The following STRBP variants were observed in gnomAD, a reference collection of about 807,000 sequenced individuals.
STRBP encodes the protein spermatid perinuclear RNA binding protein.
STRBP carries 13 observed loss-of-function variants against 80.1 expected under a neutral mutation model. The observed-to-expected ratio is 0.16, with a 90% CI of 0.11 to 0.26. The LOEUF (loss-of-function observed/expected upper bound fraction) is 0.26, where lower values mean the gene tolerates loss of function less well. Among genes scored for constraint, STRBP ranks in the 10% least tolerant of loss-of-function variants. The probability of loss-of-function intolerance (pLI) is 1.00; values close to 1 mark genes in which losing one functional copy is unlikely to be tolerated. For synonymous variants in STRBP, 284 were observed against 291.2 expected (o/e 0.98, Z 0.25); for missense variants, 485 against 815.2 (o/e 0.59, Z 4.93).
At chr9:123,165,232 G>T (rs2037703312) in intron 6 of STRBP, among the ~76,000 whole-genome samples, 1 of 143,402 alleles carries the variant, frequency 7.0e-6, no homozygotes, top group Non-Finnish European at 1.5e-5. Context: ...AGTGAGCCGA[G>T]ATCGCACCAC....
intron 9 of STRBP, among the ~76,000 whole-genome samples, 159 bp downstream of exon 9, chr9:123,158,937 T>C (rs76718726): frequency 0.01 from 1,538 of 152,308 alleles, 28 homozygotes; most frequent in African/African-American, 0.035. Context: ...AAGAGTTTTA[T>C]AGCACTTTTC....
intron 4 of STRBP, 35 bp from the exon 5 acceptor site, chr9:123,173,877 C>T (rs745845429): frequency 6.4e-6 from 10 of 1,564,970 alleles, no homozygotes; most frequent in South Asian, 6.1e-5. Flanking sequence ...ACTTTCACAA[C>T]CTATTTCCCA....
chr9:123,165,542 T>C (rs1263336870), intron 6 of STRBP, among the ~76,000 whole-genome samples: 2 of 152,134 alleles, frequency 1.3e-5, no homozygotes, highest in Non-Finnish European at 2.9e-5. Context: ...TGTCTCTTAG[T>C]CTAAGCCACA....
At chr9:123,194,695 T>C (rs2039035247) in intron 2 of STRBP, among the ~76,000 whole-genome samples, 1 of 152,106 alleles carries the variant, frequency 6.6e-6, no homozygotes, top group African/African-American at 2.4e-5. Flanking sequence ...CAAGGTCCCC[T>C]AGGATTTCCA....
intron 2 of STRBP, among the ~76,000 whole-genome samples, chr9:123,199,157 G>A (rs1464714383): frequency 3.9e-5 from 6 of 152,080 alleles, no homozygotes; most frequent in Non-Finnish European, 7.4e-5. Context: ...GGATGGTCTC[G>A]ATCTTTTGAC....
At chr9:123,229,506 A>G (rs2040339860) in intron 2 of STRBP, among the ~76,000 whole-genome samples, 1 of 152,242 alleles carries the variant, frequency 6.6e-6, no homozygotes, top group Non-Finnish European at 1.5e-5. Flanking sequence ...GAAAAATAAC[A>G]TGTTTAAATG....
Position 123,170,469 on chromosome 9 carries a change from C to T in STRBP, c.391-423G>A, listed in dbSNP as rs574084908. Reference sequence around the variant, plus strand: ...TTGTAGAGCAGCCTGAACAGGAACTCCTACTTGGCAAAAACTTATGAATAT... The same window carrying T: ...TTGTAGAGCAGCCTGAACAGGAACTTCTACTTGGCAAAAACTTATGAATAT... On this transcript the variant is annotated intron_variant, in intron 5 of 18. Transcript: ENST00000348403. Among the ~76,000 whole-genome samples, 4 of 152,286 alleles carry T rather than the reference C, an allele frequency of 2.6e-5. No individual in the cohort carries two copies. The East Asian group carries it at 5.8e-4, about 22-fold the overall frequency.
rs772874025 is a variant in STRBP, at chr9:123,179,225, T to C, written c.6A>G (p.Arg2=). 7 of 1,604,390 alleles carry C rather than the reference T, an allele frequency of 4.4e-6. No homozygotes were observed. The Admixed American group carries it at 5.0e-5, about 11-fold the overall frequency. Residue 2 remains arginine, a splice_region_variant and synonymous_variant, in exon 4 of 19, where the codon AGA becomes AGG. Transcript: ENST00000348403. M[R]SIRSFANDDR... ...CATCATTAGCAAAAGATCGAATAGA[T>C]CTCTGTTAGAAGGAGAACGAAAACA...
At chr9:123,140,393 G>A (rs866614287) in intron 13 of STRBP, among the ~76,000 whole-genome samples, 23 of 152,266 alleles carry the variant, frequency 1.5e-4, no homozygotes, top group South Asian at 8.3e-4. Context: ...TCAGGAGTTC[G>A]AGACCAGCCT....
At position 123,169,934 on chromosome 9, in the gene STRBP, A is replaced by G; in HGVS notation, c.503T>C (p.Leu168Pro). The change falls in exon 6 of 19, where the codon CTA becomes CCA. Residue 168 changes from leucine to proline, a missense_variant. By Grantham distance (98) the Leu-to-Pro change is moderately conservative. Transcript: ENST00000348403. ...CTTCTTCTCCAATTCGTCCCTAATT[A>G]GAGGTGAGGTAAGTATCACCTTCAA... The part of the protein sequence containing the change: ...LTLKVILTSP[L>P]IRDELEKKDG... 14 of 1,594,322 alleles carry G rather than the reference A, an allele frequency of 8.8e-6. No homozygotes were observed. The highest frequency in any genetic ancestry group is 1.2e-5 in the Non-Finnish European group (14 of 1,171,856).
At chr9:123,181,485 C>T (rs1398662490) in intron 3 of STRBP, among the ~76,000 whole-genome samples, 1 of 152,120 alleles carries the variant, frequency 6.6e-6, no homozygotes. Flanking sequence ...CTGGATGTGA[C>T]AGAATAAGCA....
chr9:123,185,664 T>C (rs2038667355), intron 2 of STRBP, among the ~76,000 whole-genome samples: 1 of 152,126 alleles, frequency 6.6e-6, no homozygotes, highest in South Asian at 2.1e-4. Context: ...GTCTTCAGCA[T>C]CTCCCATTCC....
intron 3 of STRBP, among the ~76,000 whole-genome samples, chr9:123,180,133 A>G (rs1274009563): frequency 1.3e-5 from 2 of 152,068 alleles, no homozygotes; most frequent in African/African-American, 2.4e-5. Flanking sequence ...GCAGGTGCCT[A>G]TAGTCCTAGC....
At chr9:123,195,619 C>T (rs1415964772) in intron 2 of STRBP, among the ~76,000 whole-genome samples, 3 of 152,034 alleles carry the variant, frequency 2.0e-5, no homozygotes, top group Non-Finnish European at 4.4e-5. Context: ...AAACTAAATA[C>T]CTAGGACTAA....
chr9:123,255,553 T>C (rs1344756286), intron 1 of STRBP, among the ~76,000 whole-genome samples: 1 of 152,204 alleles, frequency 6.6e-6, no homozygotes, highest in Non-Finnish European at 1.5e-5. Context: ...ACATAGTGTT[T>C]TTACAACCAG....
chr9:123,163,376 A>G (rs1399351587), intron 6 of STRBP, among the ~76,000 whole-genome samples: 1 of 152,222 alleles, frequency 6.6e-6, no homozygotes, highest in Non-Finnish European at 1.5e-5. Context: ...GAAAACTGAG[A>G]CACTGGCTTG....
At chr9:123,144,693 T>C (rs1355339741) in intron 13 of STRBP, among the ~76,000 whole-genome samples, 2 of 152,180 alleles carry the variant, frequency 1.3e-5, no homozygotes, top group Admixed American at 1.3e-4. Flanking sequence ...ACATTATACA[T>C]TTATAATAAG....
chr9:123,163,342 T>C (rs2037607516), intron 6 of STRBP, among the ~76,000 whole-genome samples: 2 of 152,206 alleles, frequency 1.3e-5, no homozygotes, highest in Admixed American at 1.3e-4. Flanking sequence ...CAAAGTCAGA[T>C]TGTAACCACA....
chr9:123,222,423 T>C (rs1373579548), intron 2 of STRBP, among the ~76,000 whole-genome samples: 1 of 152,100 alleles, frequency 6.6e-6, no homozygotes, highest in Admixed American at 6.6e-5. Context: ...AAAAAAACAA[T>C]ATATGGGCAC....
Sources: gnomAD v4.1 joint callset for allele counts (sites outside exome capture counted in the v4.1 genomes callset) on GRCh38, gnomAD v4.1.1 for gene constraint, MANE v1.5 for transcripts, NCBI Gene and HGNC (gene_info 2026-07-23, HGNC 2026-07-21) for gene names.